The following GRXCR1 variants were observed in gnomAD, a reference collection of about 807,000 sequenced individuals.
GRXCR1 encodes glutaredoxin and cysteine rich domain containing 1, also known as glutaredoxin domain-containing cysteine-rich protein 1.
In GRXCR1, 27 loss-of-function variants were observed where a neutral mutation model predicts 27.3. That is an observed-to-expected ratio of 0.99 (90% CI 0.73 to 1.37). The LOEUF (loss-of-function observed/expected upper bound fraction) is 1.37. Ranked by LOEUF, GRXCR1 falls within the 40% of genes most tolerant of loss-of-function variation. The probability of loss-of-function intolerance (pLI) is 0.00; values close to 1 mark genes in which losing one functional copy is unlikely to be tolerated. For missense variants in GRXCR1, 379 were observed against 354.4 expected (o/e 1.07, Z -0.56); for synonymous variants, 122 against 131.1 (o/e 0.93, Z 0.47).
At chr4:42,959,211 G>A (rs927969238) in intron 1 of GRXCR1, among the ~76,000 whole-genome samples, 2 of 151,878 alleles carry the variant, frequency 1.3e-5, no homozygotes, top group South Asian at 2.1e-4. Context: ...AGAAATTGTG[G>A]TATATATAAA....
chr4:42,984,902 C>T (rs7674357), intron 2 of GRXCR1, among the ~76,000 whole-genome samples: 53,471 of 151,806 alleles, frequency 0.35, 9,606 homozygotes, highest in East Asian at 0.4. Context: ...AGGCTCAGTC[C>T]ACATGTACCA....
At chr4:43,001,785 G>A (rs1190887353) in intron 2 of GRXCR1, among the ~76,000 whole-genome samples, 9 of 152,116 alleles carry the variant, frequency 5.9e-5, no homozygotes, top group Admixed American at 4.6e-4. Flanking sequence ...GACCTGCACC[G>A]GCACCGACCT....
chr4:42,902,915 G>C (rs1746493158), intron 1 of GRXCR1, among the ~76,000 whole-genome samples: 1 of 152,150 alleles, frequency 6.6e-6, no homozygotes, highest in Non-Finnish European at 1.5e-5. Flanking sequence ...CTCAGAAAAG[G>C]AGTCATTTGT....
intron 1 of GRXCR1, among the ~76,000 whole-genome samples, chr4:42,940,286 A>G (rs1747586453): frequency 6.6e-6 from 1 of 152,046 alleles, no homozygotes; most frequent in Non-Finnish European, 1.5e-5. Context: ...ATTCTTACCA[A>G]TTTATGGCTT....
At chr4:42,957,083 C>A (rs987183069) in intron 1 of GRXCR1, among the ~76,000 whole-genome samples, 1 of 152,018 alleles carries the variant, frequency 6.6e-6, no homozygotes, top group Non-Finnish European at 1.5e-5. Context: ...TTCCTCCCAT[C>A]TTAAGATCTT....
chr4:42,924,476 A>G (rs1415113943), intron 1 of GRXCR1, among the ~76,000 whole-genome samples: 2 of 152,090 alleles, frequency 1.3e-5, no homozygotes, highest in African/African-American at 2.4e-5. Context: ...TAATCCGCCC[A>G]AGGTTGTACA....
At chr4:42,932,062 C>T (rs1577910423) in intron 1 of GRXCR1, among the ~76,000 whole-genome samples, 1 of 152,088 alleles carries the variant, frequency 6.6e-6, no homozygotes, top group East Asian at 2.0e-4. Flanking sequence ...ATTCAGTTAC[C>T]TCCCACTGGG....
At position 42,941,827 on chromosome 4, in the gene GRXCR1, C is replaced by T. The variant is rs545962784; in HGVS notation, c.385-21065C>T. 8.6e-5 allele frequency among the ~76,000 whole-genome samples: 13 copies of T among 151,996 alleles called. No homozygotes were observed. The South Asian group carries it at 1.7e-3, about 19-fold the overall frequency. ...CAATGAGTGTGTAAATTCTAGAAGA[C>T]AAAATTATCCCCACTATTGAAAATC... On this transcript the variant is annotated intron_variant, in intron 1 of 3. Coordinates refer to ENST00000399770, the MANE Select transcript of GRXCR1 (RefSeq NM_001080476.3).
intron 1 of GRXCR1, among the ~76,000 whole-genome samples, chr4:42,925,279 TG>T (rs904232493): frequency 3.3e-5 from 5 of 151,882 alleles, no homozygotes; most frequent in Non-Finnish European, 7.4e-5. Context: ...AAGAATTGGT[TG>T]GGGGGCATGA....
intron 3 of GRXCR1, among the ~76,000 whole-genome samples, chr4:43,028,107 G>A (rs1295459163): frequency 6.0e-5 from 9 of 149,436 alleles, no homozygotes; most frequent in East Asian, 3.9e-4. Flanking sequence ...GTGAGACTCC[G>A]TCTCAAAAAA....
intron 1 of GRXCR1, among the ~76,000 whole-genome samples, chr4:42,943,741 C>T (rs539746134): frequency 6.6e-6 from 1 of 151,988 alleles, no homozygotes; most frequent in East Asian, 1.9e-4. Flanking sequence ...CTGCTATGTG[C>T]CAGATATTGC....
At chr4:42,985,819 A>G (rs1179122121) in intron 2 of GRXCR1, among the ~76,000 whole-genome samples, 3 of 152,182 alleles carry the variant, frequency 2.0e-5, no homozygotes, top group Non-Finnish European at 2.9e-5. Context: ...AACAAATACA[A>G]TAACTATTTT....
intron 1 of GRXCR1, among the ~76,000 whole-genome samples, chr4:42,945,069 C>T (rs1387528817): frequency 2.0e-5 from 3 of 152,062 alleles, no homozygotes; most frequent in African/African-American, 4.8e-5. Context: ...GATTAGCGCT[C>T]TTATAAAAGA....
intron 2 of GRXCR1, among the ~76,000 whole-genome samples, chr4:42,984,490 A>C (rs1183159480): frequency 1.3e-5 from 2 of 152,170 alleles, no homozygotes; most frequent in Admixed American, 6.5e-5. Flanking sequence ...ATGTCTGTGC[A>C]TTTGAAAAAG....
intron 2 of GRXCR1, among the ~76,000 whole-genome samples, chr4:42,978,689 AT>A (rs1204503503): frequency 6.6e-6 from 1 of 151,914 alleles, no homozygotes; most frequent in Non-Finnish European, 1.5e-5. Context: ...GTGCTAACAT[AT>A]TTTATTAGAG....
chr4:42,920,976 A>G (rs1351432836), intron 1 of GRXCR1, among the ~76,000 whole-genome samples: 8 of 152,228 alleles, frequency 5.3e-5, no homozygotes, highest in African/African-American at 1.9e-4. Flanking sequence ...AACAAATTCC[A>G]ATGAGCTTTC....
chr4:42,921,566 A>G (rs992202682), intron 1 of GRXCR1, among the ~76,000 whole-genome samples: 1 of 152,066 alleles, frequency 6.6e-6, no homozygotes, highest in African/African-American at 2.4e-5. Context: ...GTATATATAG[A>G]TATACCTGAG....
Position 42,981,153 on chromosome 4 carries a change from ATT to A in GRXCR1, c.627+18031_627+18032del, listed in dbSNP as rs71201823. 1.2e-3 allele frequency among the ~76,000 whole-genome samples: 160 copies of A among 135,046 alleles called. 2 individuals carry two copies. Among genetic ancestry groups the A allele is most frequent in the Middle Eastern group, 4.2e-3 (1 of 238 alleles). The allele number at this position is 135,046 out of a possible 152,430, so 88.6% of individuals were successfully genotyped here. A position where few individuals can be genotyped will look rare whatever the true frequency, so the allele number is the denominator to read the frequency against. ...TAGCTTAATGATTTTCTGTAGTGGT[ATT>A]TTTTTTTTTTTGCTTTTTACTTTCT... On this transcript the variant is annotated intron_variant, in intron 2 of 3. Coordinates refer to ENST00000399770, the MANE Select transcript of GRXCR1 (RefSeq NM_001080476.3).
At chr4:42,914,270 A>AG (rs916516718) in intron 1 of GRXCR1, among the ~76,000 whole-genome samples, 1 of 152,202 alleles carries the variant, frequency 6.6e-6, no homozygotes, top group African/African-American at 2.4e-5. Context: ...AGCAGCTGGG[A>AG]GGGGGGCTGT....
Sources: allele counts gnomAD v4.1 joint callset (sites outside exome capture counted in the v4.1 genomes callset), GRCh38; gene constraint gnomAD v4.1.1; transcripts MANE v1.5; gene names NCBI Gene and HGNC (gene_info 2026-07-23, HGNC 2026-07-21).